KLHL32: variants seen among roughly 807,000 people sequenced by gnomAD.
KLHL32 encodes kelch-like protein 32.
A neutral mutation model predicts 64.8 loss-of-function variants in KLHL32; 35 were observed. That is an observed-to-expected ratio of 0.54 (90% CI 0.41 to 0.72). KLHL32 has a LOEUF of 0.72. KLHL32 is among the 30% of genes least tolerant of loss of function. KLHL32 has a pLI of 0.00. For missense variants in KLHL32, 589 were observed against 768.5 expected (o/e 0.77, Z 2.76); for synonymous variants, 259 against 281.0 (o/e 0.92, Z 0.78).
intron 3 of KLHL32, among the ~76,000 whole-genome samples, chr6:97,017,673 T>C (rs1284675839): frequency 1.3e-5 from 2 of 152,134 alleles, no homozygotes; most frequent in Non-Finnish European, 2.9e-5. Context: ...GGTTTCTCTT[T>C]TGGGGATATG....
intron 7 of KLHL32, among the ~76,000 whole-genome samples, chr6:97,120,199 G>A (rs958482937): frequency 4.6e-5 from 7 of 152,110 alleles, no homozygotes; most frequent in African/African-American, 1.7e-4. Flanking sequence ...AACATGAGAA[G>A]GGAGGGACCC....
chr6:97,082,200 G>C (rs757745896), intron 5 of KLHL32, among the ~76,000 whole-genome samples: 12 of 152,302 alleles, frequency 7.9e-5, no homozygotes, highest in Non-Finnish European at 1.6e-4. Context: ...GACAGGACTG[G>C]CGATTGACTA....
intron 1 of KLHL32, among the ~76,000 whole-genome samples, chr6:96,943,867 AAGG>A (rs1771630146): frequency 6.6e-6 from 1 of 152,222 alleles, no homozygotes; most frequent in South Asian, 2.1e-4. Flanking sequence ...TACTGAAAAG[AAGG>A]TTGTTGGAGG....
intron 2 of KLHL32, among the ~76,000 whole-genome samples, chr6:96,973,712 G>A (rs1277638813): frequency 2.2e-5 from 3 of 134,226 alleles, no homozygotes; most frequent in Non-Finnish European, 1.6e-5. Flanking sequence ...ATAGATTTTT[G>A]AGATCTTTAC....
chr6:97,055,795 C>CAAAA, intron 4 of KLHL32, among the ~76,000 whole-genome samples: 1 of 31,282 alleles, frequency 3.2e-5, no homozygotes, highest in Non-Finnish European at 4.9e-5. Context: ...GAGAACCTGT[C>CAAAA]TAAAAAAAAA....
At chr6:96,912,783 T>C in the KLHL32 span, among the ~76,000 whole-genome samples, 1 of 152,112 alleles carries the variant, frequency 6.6e-6, no homozygotes, top group African/African-American at 2.4e-5. Flanking sequence ...ACTTGGAAAA[T>C]CTCAGTGAGG....
intron 4 of KLHL32, among the ~76,000 whole-genome samples, chr6:97,043,225 C>G (rs372975724): frequency 2.4e-4 from 37 of 152,242 alleles, no homozygotes; most frequent in African/African-American, 8.2e-4. Context: ...ACTAAGAAAA[C>G]ACCCTCCCCT....
intron 6 of KLHL32, among the ~76,000 whole-genome samples, chr6:97,104,633 A>G (rs924893212): frequency 1.3e-5 from 2 of 152,224 alleles, no homozygotes; most frequent in African/African-American, 2.4e-5. Context: ...AAAATAGCCT[A>G]TGTGTCTTAC....
intron 1 of KLHL32, among the ~76,000 whole-genome samples, chr6:96,938,451 T>C (rs1474742932): frequency 6.6e-6 from 1 of 152,168 alleles, no homozygotes; most frequent in Non-Finnish European, 1.5e-5. Context: ...GGCATGCTTC[T>C]CGTGTCCTGC....
intron 3 of KLHL32, among the ~76,000 whole-genome samples, chr6:96,985,076 A>G (rs188078743): frequency 9.2e-5 from 14 of 152,274 alleles, no homozygotes; most frequent in African/African-American, 2.2e-4. Flanking sequence ...GGTGGTGACA[A>G]AATCTCTCAG....
chr6:97,114,313 C>T lies in KLHL32; in HGVS notation c.1158C>T (p.Asn386=). 1 of 1,614,180 alleles carries T rather than the reference C, an allele frequency of 6.2e-7. No homozygotes were observed. The highest frequency in any genetic ancestry group is 2.2e-5 in the East Asian group (1 of 44,864). ...GGGCAGAGATAGCACCCATGAAAAACTGCCGGGAGCATTTTGTGCTGGGTG... is the reference window on the plus strand; with the variant it reads ...GGGCAGAGATAGCACCCATGAAAAATTGCCGGGAGCATTTTGTGCTGGGTG... ...NSWAEIAPMK[N]CREHFVLGAM... The change falls in exon 7 of 11, where the codon AAC becomes AAT. Residue 386 remains asparagine, a synonymous_variant. Coordinates refer to ENST00000369261, the MANE Select transcript of KLHL32 (RefSeq NM_052904.4).
chr6:97,076,521 C>T (rs989447896), intron 5 of KLHL32, among the ~76,000 whole-genome samples: 1 of 152,146 alleles, frequency 6.6e-6, no homozygotes, highest in African/African-American at 2.4e-5. Flanking sequence ...TGGGTCAGCT[C>T]CAAATCATGT....
intron 1 of KLHL32, among the ~76,000 whole-genome samples, chr6:96,940,264 G>A (rs1427873491): frequency 6.6e-6 from 1 of 152,144 alleles, no homozygotes; most frequent in Admixed American, 6.5e-5. Flanking sequence ...ATTTTTGATT[G>A]AGATTGAAAT....
At chr6:96,914,040 C>G in the KLHL32 span, among the ~76,000 whole-genome samples, 3 of 152,120 alleles carry the variant, frequency 2.0e-5, no homozygotes, top group African/African-American at 7.2e-5. Flanking sequence ...AAAGGGAGAA[C>G]AGATAAATGG....
chr6:96,993,309 C>CT (rs139382385), intron 3 of KLHL32, among the ~76,000 whole-genome samples: 5,126 of 152,230 alleles, frequency 0.034, 113 homozygotes, highest in South Asian at 0.07. Context: ...GGCTAGTGAT[C>CT]TAAGTTGGCC....
chr6:97,036,017 C>G (rs1041055540), intron 3 of KLHL32, among the ~76,000 whole-genome samples: 3 of 151,832 alleles, frequency 2.0e-5, no homozygotes, highest in African/African-American at 7.3e-5. Context: ...TTCTTTACTC[C>G]TTTTTATTCT....
At chr6:97,018,151 C>G (rs117667240) in intron 3 of KLHL32, among the ~76,000 whole-genome samples, 2,736 of 151,650 alleles carry the variant, frequency 0.018, 31 homozygotes, top group East Asian at 0.07. Context: ...AATATTGAAT[C>G]GAAACTTTTT....
chr6:96,979,824 C>T (rs946491894), intron 3 of KLHL32, among the ~76,000 whole-genome samples: 6 of 152,116 alleles, frequency 3.9e-5, no homozygotes, highest in Non-Finnish European at 8.8e-5. Flanking sequence ...TTGGTATCAT[C>T]GCTAATTTCA....
At chr6:96,916,099 CA>C in the KLHL32 span, among the ~76,000 whole-genome samples, 1 of 151,498 alleles carries the variant, frequency 6.6e-6, no homozygotes, top group South Asian at 2.1e-4. Context: ...GCCTTGTGGT[CA>C]GAACAAATTT....
Sources: gnomAD v4.1 joint callset for allele counts (sites outside exome capture counted in the v4.1 genomes callset) on GRCh38, gnomAD v4.1.1 for gene constraint, MANE v1.5 for transcripts, NCBI Gene and HGNC (gene_info 2026-07-23, HGNC 2026-07-21) for gene names.